Variants in AP3B1 observed in about 807,000 individuals in gnomAD.
AP3B1 encodes adaptor related protein complex 3 subunit beta 1, also known as AP-3 complex subunit beta-1.
A neutral mutation model predicts 132.5 loss-of-function variants in AP3B1; 61 were observed. That is an observed-to-expected ratio of 0.46 (90% CI 0.37 to 0.57). The LOEUF is 0.57. Among genes scored for constraint, AP3B1 ranks in the 20% least tolerant of loss-of-function variants. AP3B1 has a pLI of 0.00. For missense variants in AP3B1, 1,120 were observed against 1,289.4 expected, an observed-to-expected ratio of 0.87 and a Z score of 2.01; for synonymous variants, 388 against 438.3, an observed-to-expected ratio of 0.89 and a Z score of 1.43.
intron 25 of AP3B1, among the ~76,000 whole-genome samples, chr5:78,018,671 AACACACACACACACACACAC>A (rs3050070): frequency 6.8e-6 from 1 of 146,576 alleles, no homozygotes; most frequent in African/African-American, 2.6e-5. Flanking sequence ...AAGCTGGTGT[AACACACACACACACACACAC>A]ACACACACAC....
chr5:78,195,816 T>C (rs1161831823), intron 7 of AP3B1, among the ~76,000 whole-genome samples: 1 of 151,936 alleles, frequency 6.6e-6, no homozygotes, highest in African/African-American at 2.4e-5. Flanking sequence ...CAAGACTCCA[T>C]CTCAAAAAAT....
In AP3B1 at chr5:78,275,694, C is replaced by T. The variant is rs903883684; in HGVS notation, c.129-8099G>A. 3.3e-5 allele frequency among the ~76,000 whole-genome samples: 5 copies of T among 152,090 alleles called. No homozygotes were observed. The South Asian group carries it at 8.3e-4, about 25-fold the overall frequency. On this transcript the variant is annotated intron_variant, in intron 1 of 26. Transcript: ENST00000255194. ...TTCACCATGTTGGCTAAGATGGTCTCGATCTCCTGACCTCGTGATCCACCC... is the reference window on the plus strand; with the variant it reads ...TTCACCATGTTGGCTAAGATGGTCTTGATCTCCTGACCTCGTGATCCACCC...
intron 25 of AP3B1, among the ~76,000 whole-genome samples, chr5:78,016,943 A>G (rs1409850837): frequency 6.6e-6 from 1 of 152,126 alleles, no homozygotes; most frequent in Non-Finnish European, 1.5e-5. Context: ...ATTAAGCTCT[A>G]TTGAAGAGCA....
At chr5:78,285,411 G>A (rs1334330318) in intron 1 of AP3B1, among the ~76,000 whole-genome samples, 1 of 152,050 alleles carries the variant, frequency 6.6e-6, no homozygotes. Flanking sequence ...CATCTTACTT[G>A]ACCTATTTGT....
intron 2 of AP3B1, among the ~76,000 whole-genome samples, chr5:78,244,604 AC>A (rs1747293170): frequency 6.6e-6 from 1 of 152,160 alleles, no homozygotes; most frequent in Admixed American, 6.5e-5. Flanking sequence ...AGGAGACAGC[AC>A]TGGTTAGCAA....
chr5:78,255,187 G>GA (rs1264900974), intron 2 of AP3B1, among the ~76,000 whole-genome samples: 1 of 151,816 alleles, frequency 6.6e-6, no homozygotes, highest in East Asian at 1.9e-4. Context: ...AGAAGGAAGA[G>GA]AAAACCATAA....
intron 15 of AP3B1, among the ~76,000 whole-genome samples, chr5:78,131,378 T>C (rs1416136064): frequency 1.3e-5 from 2 of 151,980 alleles, no homozygotes; most frequent in Non-Finnish European, 2.9e-5. Flanking sequence ...ATGGAGAAAA[T>C]ACCCTCTTTA....
At chr5:78,140,442 A>G (rs1418703077) in intron 15 of AP3B1, among the ~76,000 whole-genome samples, 1 of 152,196 alleles carries the variant, frequency 6.6e-6, no homozygotes, top group Non-Finnish European at 1.5e-5. Flanking sequence ...GAGGCTGGGA[A>G]ATCCAAGATC....
At chr5:78,183,045 A>G (rs1744434109) in intron 7 of AP3B1, among the ~76,000 whole-genome samples, 1 of 152,240 alleles carries the variant, frequency 6.6e-6, no homozygotes, top group African/African-American at 2.4e-5. Context: ...AGTAGTAACC[A>G]AAGTCAGCCC....
At chr5:78,125,444 T>C (rs1292046725) in intron 17 of AP3B1, among the ~76,000 whole-genome samples, 1 of 152,136 alleles carries the variant, frequency 6.6e-6, no homozygotes, top group East Asian at 1.9e-4. Flanking sequence ...ACAGGAAAAC[T>C]AGAATAACAT....
At chr5:78,216,312 G>A in intron 6 of AP3B1, 75 bp from the exon 7 acceptor site, 3 of 1,372,534 alleles carry the variant, frequency 2.2e-6, no homozygotes, top group Non-Finnish European at 3.1e-6. Context: ...AGGCATTATA[G>A]TAATCAGTTT....
chr5:78,019,344 G>A (rs533200625), intron 25 of AP3B1, among the ~76,000 whole-genome samples: 3 of 152,148 alleles, frequency 2.0e-5, no homozygotes, highest in African/African-American at 7.2e-5. Context: ...AAAAGCTGAG[G>A]GAGTGAAAGG....
Position 78,162,959 on chromosome 5 carries a change from A to G in AP3B1, c.1231-8T>C, listed in dbSNP as rs2112371170. 1 of 1,612,830 alleles carries G rather than the reference A, an allele frequency of 6.2e-7. No homozygotes were observed. Among genetic ancestry groups the G allele is most frequent in the Non-Finnish European group, 8.5e-7 (1 of 1,179,024 alleles). On this transcript the variant is annotated splice_region_variant and splice_polypyrimidine_tract_variant and intron_variant, in intron 12 of 26. Transcript: ENST00000255194. ...CTGGCTTTTCACATAGGTCTAAAAG[A>G]TATTATTTCAATTAGTTTACACACT... is the stretch of plus-strand genomic sequence containing the variant.
intron 16 of AP3B1, among the ~76,000 whole-genome samples, chr5:78,128,897 C>A (rs1041756559): frequency 6.6e-6 from 1 of 151,838 alleles, no homozygotes. Flanking sequence ...AAAGTCAGAA[C>A]GCTTAAAATT....
chr5:78,196,371 C>T (rs896062581), intron 7 of AP3B1, among the ~76,000 whole-genome samples: 7 of 152,132 alleles, frequency 4.6e-5, no homozygotes, highest in South Asian at 2.1e-4. Context: ...TTGATAACTC[C>T]GTATACAGAC....
chr5:78,249,579 C>CTTTTTTTTTTTTTT (rs71301504), intron 2 of AP3B1, among the ~76,000 whole-genome samples: 2 of 105,072 alleles, frequency 1.9e-5, no homozygotes, highest in Non-Finnish European at 3.8e-5. Context: ...TTTTCTTTTT[C>CTTTTTTTTTTTTTT]TTTTTTTTTT....
At chr5:78,237,768 G>A (rs139588110) in intron 3 of AP3B1, among the ~76,000 whole-genome samples, 12 of 152,222 alleles carry the variant, frequency 7.9e-5, no homozygotes, top group South Asian at 2.1e-4. Flanking sequence ...AGCCAAGATC[G>A]TGCCACTGCA....
chr5:78,245,384 T>C (rs1388437793), intron 2 of AP3B1, among the ~76,000 whole-genome samples: 1 of 152,208 alleles, frequency 6.6e-6, no homozygotes, highest in African/African-American at 2.4e-5. Context: ...CACATTCCAG[T>C]GTTTCAAAGG....
At chr5:78,227,892 C>G (rs1217949785) in intron 4 of AP3B1, among the ~76,000 whole-genome samples, 1 of 152,120 alleles carries the variant, frequency 6.6e-6, no homozygotes, top group African/African-American at 2.4e-5. Flanking sequence ...TAATGATAAA[C>G]AGCTCTTTGA....
Sources: allele counts gnomAD v4.1 joint callset (sites outside exome capture counted in the v4.1 genomes callset), GRCh38; gene constraint gnomAD v4.1.1; transcripts MANE v1.5; gene names NCBI Gene and HGNC (gene_info 2026-07-23, HGNC 2026-07-21).